Variants in SMN2 observed in about 807,000 individuals in gnomAD.
The protein encoded by SMN2 is survival of motor neuron 2, centromeric, also known as survival motor neuron protein.
A neutral mutation model predicts 2.8 loss-of-function variants in SMN2; 1 was observed. That is an observed-to-expected ratio of 0.35 (90% CI 0.13 to 1.68). SMN2 has a LOEUF of 1.68. SMN2 is among the 40% of genes most tolerant of loss of function. The pLI is 0.35. For missense variants in SMN2, 12 were observed against 16.9 expected, an observed-to-expected ratio of 0.71 and a Z score of 0.51; for synonymous variants, 5 against 5.0, an observed-to-expected ratio of 0.99 and a Z score of 0.01.
the SMN2 span, among the ~76,000 whole-genome samples, chr5:70,083,598 T>C: frequency 3.2e-3 from 432 of 136,678 alleles, 112 homozygotes; most frequent in African/African-American, 0.013. Flanking sequence ...ATGGCACATA[T>C]ACACCATGGA....
chr5:70,084,996 A>G, the SMN2 span, among the ~76,000 whole-genome samples: 11 of 138,328 alleles, frequency 8.0e-5, no homozygotes, highest in African/African-American at 3.3e-4. Flanking sequence ...CTTTCTTACT[A>G]TAAACAAGTG....
At chr5:70,084,883 G>T in the SMN2 span, among the ~76,000 whole-genome samples, 1 of 136,666 alleles carries the variant, frequency 7.3e-6, no homozygotes, top group African/African-American at 3.1e-5. Context: ...AATACTCATG[G>T]CAGTTTCATG....
the SMN2 span, among the ~76,000 whole-genome samples, chr5:70,084,476 C>T: frequency 1.5e-5 from 2 of 135,792 alleles, no homozygotes; most frequent in South Asian, 2.3e-4. Context: ...CATGAGCCAC[C>T]GTGCCCGACC....
In SMN2 at chr5:70,074,923, C is replaced by T. The variant is rs9686290; in HGVS notation, c.835-1598C>T. On this transcript the variant is annotated intron_variant, in intron 7 of 8. Transcript: ENST00000380743. ...AGGAGAATTGCTTGAACCGAGAAGG[C>T]GGAGGTTGCGGTGAGCCAAGATTGC... Among the ~76,000 whole-genome samples, 739 of 101,018 alleles carry T rather than the reference C, an allele frequency of 7.3e-3. 40 individuals carry two copies. The highest frequency in any genetic ancestry group is 0.011 in the Admixed American group (106 of 9,592). The allele number at this position is 101,018 out of a possible 152,430, so 66.3% of individuals were successfully genotyped here.
chr5:70,079,529 G>A (rs2112498383), downstream of SMN2, among the ~76,000 whole-genome samples: 1 of 145,074 alleles, frequency 6.9e-6, no homozygotes, highest in Admixed American at 6.8e-5. Context: ...GACGAGACAG[G>A]CGGATCACTT....
chr5:70,080,206 C>T (rs1342265780), downstream of SMN2, among the ~76,000 whole-genome samples: 4 of 132,302 alleles, frequency 3.0e-5, 1 homozygote, highest in Admixed American at 1.5e-4. Flanking sequence ...TGGTGGGCGC[C>T]TGTGATCCCA....
rs1178416365 is a variant in SMN2, at chr5:70,074,920, A to G, written c.835-1601A>G. On this transcript the variant is annotated intron_variant, in intron 7 of 8. Transcript: ENST00000380743. ...GGCAGGAGAATTGCTTGAACCGAGA[A>G]GGCGGAGGTTGCGGTGAGCCAAGAT... 4.7e-5 allele frequency among the ~76,000 whole-genome samples: 6 copies of G among 126,760 alleles called. 2 individuals carry two copies. The highest frequency in any genetic ancestry group is 8.4e-5 in the Non-Finnish European group (5 of 59,566). 83.2% of individuals were successfully genotyped at this position (126,760 alleles called of 152,430 possible).
chr5:70,079,702 T>C (rs1440868177), downstream of SMN2, among the ~76,000 whole-genome samples: 11 of 135,844 alleles, frequency 8.1e-5, no homozygotes, highest in East Asian at 1.9e-3. Context: ...GGCTGTGTAA[T>C]GAGCCGTGTT....
intron 7 of SMN2, among the ~76,000 whole-genome samples, chr5:70,074,653 AAAAT>A (rs1774685582): frequency 7.9e-6 from 1 of 126,738 alleles, no homozygotes; most frequent in Non-Finnish European, 1.7e-5. Context: ...CAAAAAAAAA[AAAAT>A]AAGGTATAAG....
the SMN2 span, among the ~76,000 whole-genome samples, chr5:70,083,667 T>A: frequency 1.5e-5 from 2 of 133,332 alleles, 1 homozygote; most frequent in Non-Finnish European, 3.1e-5. Flanking sequence ...ATGGATGAAA[T>A]TGGAAATCAT....
chr5:70,083,902 T>G, the SMN2 span, among the ~76,000 whole-genome samples: 1 of 127,438 alleles, frequency 7.8e-6, no homozygotes, highest in Non-Finnish European at 1.6e-5. Flanking sequence ...TGTATACATA[T>G]GTAACTAACC....
At chr5:70,083,688 A>G in the SMN2 span, among the ~76,000 whole-genome samples, 2 of 132,874 alleles carry the variant, frequency 1.5e-5, 1 homozygote, top group South Asian at 4.6e-4. Context: ...CATTCTCAGT[A>G]AACTATCGCA....
At chr5:70,087,842 CAT>C in the SMN2 span, among the ~76,000 whole-genome samples, 2 of 14,796 alleles carry the variant, frequency 1.4e-4, no homozygotes, top group Non-Finnish European at 2.4e-4. Flanking sequence ...TGTGTATACA[CAT>C]ATAATATGTG....
downstream of SMN2, chr5:70,077,692 G>A (rs1389860700): frequency 9.1e-6 from 1 of 109,870 alleles, no homozygotes; most frequent in Non-Finnish European, 1.8e-5. Context: ...GTATGTGCAT[G>A]TGTATTCCCA....
At chr5:70,052,923 C>G (rs1296604751) in intron 1 of SMN2, among the ~76,000 whole-genome samples, 1 of 124,114 alleles carries the variant, frequency 8.1e-6, no homozygotes, top group Admixed American at 8.3e-5. Flanking sequence ...AATGTACTGC[C>G]AGTCCTAATG....
At chr5:70,081,183 G>A (rs1231568443), downstream of SMN2, among the ~76,000 whole-genome samples, 8 of 116,712 alleles carry the variant, frequency 6.9e-5, no homozygotes, top group South Asian at 8.1e-4. Context: ...GATATGCGGC[G>A]TTATTTCTGA....
At chr5:70,079,817 CA>C (rs572291872), downstream of SMN2, among the ~76,000 whole-genome samples, 1 of 43,706 alleles carries the variant, frequency 2.3e-5, no homozygotes, top group Non-Finnish European at 3.6e-5. Context: ...TGCTTCTGTA[CA>C]CTTTTTTTTT....
At chr5:70,083,808 G>T in the SMN2 span, among the ~76,000 whole-genome samples, 18 of 132,394 alleles carry the variant, frequency 1.4e-4, 1 homozygote, top group Non-Finnish European at 1.4e-4. Flanking sequence ...GTTGTGGGGT[G>T]GGGGGAGTGG....
At chr5:70,069,864 G>A (rs1302649342) in intron 6 of SMN2, among the ~76,000 whole-genome samples, 1 of 15,656 alleles carries the variant, frequency 6.4e-5, no homozygotes, top group Non-Finnish European at 1.2e-4. Context: ...CACCACACCC[G>A]GCTAATTTTT....
Sources: allele counts gnomAD v4.1 joint callset (sites outside exome capture counted in the v4.1 genomes callset), GRCh38; gene constraint gnomAD v4.1.1; transcripts MANE v1.5; gene names NCBI Gene and HGNC (gene_info 2026-07-23, HGNC 2026-07-21).